The following OCA2 variants were observed in gnomAD, a reference collection of about 807,000 sequenced individuals.
OCA2 encodes OCA2 melanosomal transmembrane protein, also known as P protein.
In OCA2, 77 loss-of-function variants were observed where a neutral mutation model predicts 100.2. That is an observed-to-expected ratio of 0.77 (90% CI 0.64 to 0.93). OCA2 has a LOEUF of 0.93. Among genes scored for constraint, OCA2 ranks in the 40% least tolerant of loss-of-function variants. The pLI is 0.00. For missense variants in OCA2, 1,062 were observed against 1,089.1 expected, an observed-to-expected ratio of 0.98 and a Z score of 0.35; for synonymous variants, 432 against 439.2, an observed-to-expected ratio of 0.98 and a Z score of 0.21.
intron 23 of OCA2, among the ~76,000 whole-genome samples, chr15:27,770,382 C>A (rs997998261): frequency 6.6e-6 from 1 of 152,214 alleles, no homozygotes; most frequent in South Asian, 2.1e-4. Flanking sequence ...GACCTCCAGC[C>A]GTGTGTGGCG....
intron 23 of OCA2, among the ~76,000 whole-genome samples, chr15:27,777,978 C>A (rs1407547746): frequency 6.6e-6 from 1 of 152,108 alleles, no homozygotes; most frequent in African/African-American, 2.4e-5. Context: ...TTTTAACAAG[C>A]CTGTGATGAA....
intron 1 of OCA2, among the ~76,000 whole-genome samples, chr15:28,082,113 G>A (rs142004509): frequency 1.1e-3 from 171 of 152,266 alleles, no homozygotes; most frequent in African/African-American, 4.0e-3. Context: ...TCTAGCTAAA[G>A]GATTGTAAAT....
At chr15:27,730,988 TA>T in the OCA2 span, among the ~76,000 whole-genome samples, 311 of 150,766 alleles carry the variant, frequency 2.1e-3, no homozygotes, top group African/African-American at 5.8e-3. Flanking sequence ...AAATTTTTTT[TA>T]TTTCTGAAAT....
chr15:27,999,626 C>A (rs995952649), intron 9 of OCA2, among the ~76,000 whole-genome samples: 1 of 152,038 alleles, frequency 6.6e-6, no homozygotes, highest in African/African-American at 2.4e-5. Flanking sequence ...AGCAATTAGA[C>A]AACAACAACA....
chr15:27,954,702 A>AAC lies in OCA2; in HGVS notation c.1842+455_1842+456insGT, dbSNP rs200044026. Reference sequence around the variant, plus strand: ...CACCCCCATGGAAGAATGAGCCAAAAAAAACAAAACAAAAGAAAACAAGCT... The same window carrying AAC: ...CACCCCCATGGAAGAATGAGCCAAAAACAAAACAAAACAAAAGAAAACAAGCT... On this transcript the variant is annotated intron_variant, in intron 17 of 23. Transcript: ENST00000354638. 7.0e-3 allele frequency among the ~76,000 whole-genome samples: 1,057 copies of AAC among 152,006 alleles called. 17 individuals carry two copies. Among genetic ancestry groups the AAC allele is most frequent in the African/African-American group, 0.024 (978 of 41,484 alleles).
chr15:27,727,590 C>T, the OCA2 span, among the ~76,000 whole-genome samples: 1 of 152,172 alleles, frequency 6.6e-6, no homozygotes, highest in Admixed American at 6.5e-5. Flanking sequence ...TAGAATATAT[C>T]CTTACATCTT....
intron 22 of OCA2, among the ~76,000 whole-genome samples, chr15:27,846,292 A>G (rs1332062065): frequency 1.3e-5 from 2 of 152,040 alleles, no homozygotes; most frequent in Non-Finnish European, 2.9e-5. Context: ...AAGCCATCTA[A>G]TGTGGCCATC....
At chr15:27,816,126 C>T (rs1423921193) in intron 23 of OCA2, among the ~76,000 whole-genome samples, 2 of 152,022 alleles carry the variant, frequency 1.3e-5, no homozygotes, top group Admixed American at 6.5e-5. Context: ...AAGAGCACAA[C>T]TCCATCTCAA....
intron 9 of OCA2, among the ~76,000 whole-genome samples, chr15:28,004,902 C>T (rs556905767): frequency 3.7e-4 from 56 of 152,270 alleles, no homozygotes; most frequent in Middle Eastern, 3.4e-3. Context: ...CACACTCTCA[C>T]GGCAGCCCGA....
At chr15:27,725,977 T>C in the OCA2 span, among the ~76,000 whole-genome samples, 1 of 151,948 alleles carries the variant, frequency 6.6e-6, no homozygotes, top group South Asian at 2.1e-4. Context: ...CTTGCTGTAA[T>C]AAGATACTAG....
At chr15:27,858,355 T>C (rs1254190086) in intron 21 of OCA2, among the ~76,000 whole-genome samples, 6 of 119,812 alleles carry the variant, frequency 5.0e-5, no homozygotes, top group Admixed American at 1.0e-4. Context: ...GCCTGGGGAA[T>C]AGAGTGAAAC....
At chr15:27,941,167 G>A (rs2039633595) in intron 18 of OCA2, among the ~76,000 whole-genome samples, 1 of 152,150 alleles carries the variant, frequency 6.6e-6, no homozygotes, top group Non-Finnish European at 1.5e-5. Context: ...ATAGAAAAAT[G>A]TTAATATATA....
At chr15:27,825,256 G>A (rs1447499665) in intron 23 of OCA2, among the ~76,000 whole-genome samples, 1 of 152,156 alleles carries the variant, frequency 6.6e-6, no homozygotes, top group Non-Finnish European at 1.5e-5. Context: ...GCCAGGCCCA[G>A]CAGGTACCTG....
intron 23 of OCA2, among the ~76,000 whole-genome samples, chr15:27,829,136 TACA>T (rs1353210817): frequency 1.3e-5 from 2 of 151,962 alleles, no homozygotes; most frequent in Non-Finnish European, 2.9e-5. Context: ...AAAATCGACC[TACA>T]ACAAGGGCAG....
chr15:28,095,729 A>AG (rs1349960333), intron 1 of OCA2, among the ~76,000 whole-genome samples: 1 of 152,152 alleles, frequency 6.6e-6, no homozygotes, highest in East Asian at 1.9e-4. Flanking sequence ...AAAAAAAAAA[A>AG]AAGAACATTG....
At chr15:27,868,185 C>T (rs2036399685) in intron 21 of OCA2, among the ~76,000 whole-genome samples, 1 of 152,156 alleles carries the variant, frequency 6.6e-6, no homozygotes, top group African/African-American at 2.4e-5. Context: ...GGTTTCTAAG[C>T]ATTAAACCCT....
intron 2 of OCA2, among the ~76,000 whole-genome samples, chr15:28,070,505 C>T (rs1271402869): frequency 7.4e-6 from 1 of 135,012 alleles, no homozygotes; most frequent in Admixed American, 7.1e-5. Context: ...GGTCAGCCCC[C>T]CGCCTGGCCA....
chr15:28,021,077 G>GA (rs1243240941), intron 6 of OCA2, among the ~76,000 whole-genome samples: 2 of 152,108 alleles, frequency 1.3e-5, no homozygotes, highest in Non-Finnish European at 2.9e-5. Context: ...GTAGACTAAA[G>GA]AAAAAAACAC....
At chr15:28,046,510 G>C (rs41313539) in intron 2 of OCA2, among the ~76,000 whole-genome samples, 2 of 152,262 alleles carry the variant, frequency 1.3e-5, no homozygotes, top group African/African-American at 2.4e-5. Context: ...GAGGACTGAA[G>C]AAATAAGAGC....
Sources: gnomAD v4.1 joint callset for allele counts (sites outside exome capture counted in the v4.1 genomes callset) on GRCh38, gnomAD v4.1.1 for gene constraint, MANE v1.5 for transcripts, NCBI Gene and HGNC (gene_info 2026-07-23, HGNC 2026-07-21) for gene names.